Variants in NRP1 observed in about 807,000 individuals in gnomAD.
The protein encoded by NRP1 is neuropilin-1.
A neutral mutation model predicts 106.7 loss-of-function variants in NRP1; 35 were observed. The observed-to-expected ratio is 0.33, with a 90% CI of 0.25 to 0.43. The LOEUF (loss-of-function observed/expected upper bound fraction) is 0.43. NRP1 is among the 20% of genes least tolerant of loss of function. The pLI is 1.00. For missense variants in NRP1, 1,024 were observed against 1,170.4 expected (o/e 0.87, Z 1.83); for synonymous variants, 437 against 417.9 (o/e 1.05, Z -0.56).
intron 2 of NRP1, among the ~76,000 whole-genome samples, chr10:33,303,090 G>T (rs556215780): frequency 7.9e-4 from 120 of 152,282 alleles, no homozygotes; most frequent in African/African-American, 2.7e-3. Context: ...AGTCACTCAA[G>T]AATTTTGCAT....
At chr10:33,308,350 G>A (rs1846319126) in intron 2 of NRP1, among the ~76,000 whole-genome samples, 1 of 149,562 alleles carries the variant, frequency 6.7e-6, no homozygotes, top group African/African-American at 2.5e-5. Flanking sequence ...TACACGTACA[G>A]GTTTATATAT....
At chr10:33,248,225 G>A (rs1008221102) in intron 6 of NRP1, among the ~76,000 whole-genome samples, 1 of 152,180 alleles carries the variant, frequency 6.6e-6, no homozygotes, top group African/African-American at 2.4e-5. Flanking sequence ...AGGAGGTGGA[G>A]GTTGCAGCGA....
At chr10:33,326,605 T>G (rs1032515967) in intron 2 of NRP1, among the ~76,000 whole-genome samples, 5 of 152,220 alleles carry the variant, frequency 3.3e-5, no homozygotes, top group African/African-American at 1.2e-4. Flanking sequence ...ACTGGTCTGT[T>G]GATCGACTGA....
intron 10 of NRP1, 121 bp downstream of exon 10, chr10:33,207,451 G>T: frequency 1.9e-6 from 2 of 1,037,190 alleles, no homozygotes; most frequent in Non-Finnish European, 2.8e-6. Flanking sequence ...GGCAGGCACC[G>T]AGATAAGGGG....
intron 6 of NRP1, among the ~76,000 whole-genome samples, chr10:33,241,477 C>T (rs1841011054): frequency 1.1e-5 from 1 of 90,818 alleles, no homozygotes; most frequent in South Asian, 2.9e-4. Context: ...CGTGTTATTC[C>T]TCCCTAGCAC....
intron 8 of NRP1, among the ~76,000 whole-genome samples, chr10:33,219,300 T>C (rs560887020): frequency 6.6e-6 from 1 of 152,312 alleles, no homozygotes; most frequent in East Asian, 1.9e-4. Flanking sequence ...GTCTTATCCA[T>C]GGTCCGTCAT....
At chr10:33,329,696 CTATT>C (rs1008227768) in intron 2 of NRP1, among the ~76,000 whole-genome samples, 7 of 152,114 alleles carry the variant, frequency 4.6e-5, no homozygotes, top group Non-Finnish European at 8.8e-5. Context: ...TTTGATAAAA[CTATT>C]TATATATGTA....
chr10:33,227,776 G>C (rs1368993921), intron 6 of NRP1, among the ~76,000 whole-genome samples: 1 of 152,150 alleles, frequency 6.6e-6, no homozygotes, highest in East Asian at 1.9e-4. Flanking sequence ...TGTGATGTGA[G>C]TGGGAAGGAA....
chr10:33,222,106 TATATGGATA>T (rs1291555511), intron 7 of NRP1, among the ~76,000 whole-genome samples: 2 of 152,206 alleles, frequency 1.3e-5, no homozygotes, highest in Non-Finnish European at 2.9e-5. Context: ...AAAGCACTAT[TATATGGATA>T]ATATTGATTA....
chr10:33,213,919 A>G lies in NRP1; in HGVS notation c.1283-202T>C, dbSNP rs1316528364. On this transcript the variant is annotated intron_variant, in intron 8 of 16. Transcript: ENST00000374867. ...TCAGAATTCCCGTCTCTAAACTCAC[A>G]TCCCAGTAAGGCAAATCTTCAATAA... The G allele has an allele frequency of 7.3e-6, 4 of 551,302 alleles. No individual in the cohort carries two copies. In the African/African-American group the frequency reaches 7.6e-5, roughly 10 times the overall value. The allele number at this position is 551,302 out of a possible 1,614,324, so 34.2% of individuals were successfully genotyped here.
intron 1 of NRP1, among the ~76,000 whole-genome samples, chr10:33,332,494 G>T (rs1238183572): frequency 6.6e-6 from 1 of 152,160 alleles, no homozygotes; most frequent in Non-Finnish European, 1.5e-5. Context: ...CTAGTCACTC[G>T]ACAGAGTCAC....
At chr10:33,185,805 C>G in intron 14 of NRP1, 81 bp from the exon 15 acceptor site, 2 of 1,185,142 alleles carry the variant, frequency 1.7e-6, no homozygotes, top group South Asian at 2.5e-5. Context: ...TCAGCTCCAG[C>G]TACGGCACAT....
At chr10:33,207,117 A>C (rs2132741311) in intron 10 of NRP1, among the ~76,000 whole-genome samples, 1 of 152,306 alleles carries the variant, frequency 6.6e-6, no homozygotes, top group African/African-American at 2.4e-5. Context: ...TTTAAAAGGC[A>C]AAAGTGGTTG....
At chr10:33,310,040 C>T (rs576173329) in intron 2 of NRP1, among the ~76,000 whole-genome samples, 8 of 151,904 alleles carry the variant, frequency 5.3e-5, no homozygotes, top group Admixed American at 4.6e-4. Context: ...CTCCGCCTCC[C>T]GGGTTCACGC....
chr10:33,314,259 T>C (rs1027559089), intron 2 of NRP1, among the ~76,000 whole-genome samples: 7 of 152,090 alleles, frequency 4.6e-5, no homozygotes, highest in African/African-American at 1.7e-4. Flanking sequence ...GCTAATTTTT[T>C]AAAAGTTTTT....
rs1842040080 is a variant in NRP1, at chr10:33,254,084, T to C, written c.925A>G (p.Asn309Asp). Residue 309 changes from asparagine to aspartate, a missense_variant, in exon 6 of 17, where the codon AAC becomes GAC. Asn to Asp is a conservative substitution (Grantham distance 23). Transcript: ENST00000374867. ...GGAGTCCACCCATTCTCAGGGTAGT[T>C]CAGGCGGGAGCGCTCTGCAGACCAG... ...TNWSAERSRL[N>D]YPENGWTPGE... 6.2e-7 allele frequency: 1 copy of C among 1,614,032 alleles called. No individual in the cohort carries two copies. Among genetic ancestry groups the C allele is most frequent in the Non-Finnish European group, 8.5e-7 (1 of 1,180,006 alleles).
chr10:33,191,031 T>A (rs772558259), intron 13 of NRP1, among the ~76,000 whole-genome samples: 25 of 151,424 alleles, frequency 1.7e-4, no homozygotes, highest in East Asian at 5.9e-4. Flanking sequence ...AAAAAAAAAA[T>A]TTATTTTGTA....
chr10:33,213,224 TC>T (rs1359643177), intron 9 of NRP1, 161 bp downstream of exon 9: 15 of 1,560,896 alleles, frequency 9.6e-6, no homozygotes, highest in Non-Finnish European at 1.2e-5. Flanking sequence ...CATGCCATAT[TC>T]CTGTCTTCCT....
intron 2 of NRP1, among the ~76,000 whole-genome samples, chr10:33,285,943 G>A (rs1271553377): frequency 3.9e-5 from 6 of 152,272 alleles, no homozygotes; most frequent in Middle Eastern, 3.4e-3. Context: ...TTTGACCCCC[G>A]GGTGAGTATT....
Sources: gnomAD v4.1 joint callset for allele counts (sites outside exome capture counted in the v4.1 genomes callset) on GRCh38, gnomAD v4.1.1 for gene constraint, MANE v1.5 for transcripts, NCBI Gene and HGNC (gene_info 2026-07-23, HGNC 2026-07-21) for gene names.